Variants in SLC44A5 observed in about 807,000 individuals in gnomAD.
SLC44A5 encodes choline transporter-like protein 5.
A neutral mutation model predicts 101.8 loss-of-function variants in SLC44A5; 57 were observed. The ratio of observed to expected loss-of-function variants is 0.56; its 90% CI spans 0.45 to 0.70. SLC44A5 has a LOEUF of 0.70. Ranked by LOEUF, SLC44A5 falls within the 30% of genes least tolerant of loss-of-function variation. The pLI, the probability that SLC44A5 is intolerant of heterozygous loss-of-function variation, is 0.00. For missense variants in SLC44A5, 737 were observed against 853.1 expected (o/e 0.86, Z 1.70); for synonymous variants, 281 against 290.9 (o/e 0.97, Z 0.35).
At position 75,394,632 on chromosome 1, in the gene SLC44A5, C is replaced by T. The variant is rs369888525; in HGVS notation, c.52+1951G>A. 2.8e-4 allele frequency among the ~76,000 whole-genome samples: 43 copies of T among 152,202 alleles called. No individual in the cohort carries two copies. In the South Asian group the frequency reaches 8.7e-3, roughly 31 times the overall value. ...CACTGGCTTTGGTGGGCCTCAGCTT[C>T]TTTGGAACACAAGGCTGTTGAAGAA... On this transcript the variant is annotated intron_variant, in intron 3 of 23. Transcript: ENST00000370859.
chr1:75,400,824 T>A (rs941835933), intron 2 of SLC44A5, among the ~76,000 whole-genome samples: 5 of 152,214 alleles, frequency 3.3e-5, no homozygotes, highest in Admixed American at 3.3e-4. Context: ...GAGAGAAGGC[T>A]CAGTGCCATG....
intron 6 of SLC44A5, among the ~76,000 whole-genome samples, chr1:75,271,297 T>G (rs1287864939): frequency 2.0e-5 from 3 of 152,110 alleles, no homozygotes; most frequent in Non-Finnish European, 4.4e-5. Context: ...AAAAATTATT[T>G]TTAAAAATGT....
chr1:75,526,200 C>A (rs1048045609), intron 2 of SLC44A5, among the ~76,000 whole-genome samples: 9 of 152,196 alleles, frequency 5.9e-5, no homozygotes, highest in Admixed American at 1.3e-4. Context: ...TCCGTCCCCT[C>A]CACCACAGAC....
chr1:75,653,460 C>T, the SLC44A5 span, among the ~76,000 whole-genome samples: 18 of 152,122 alleles, frequency 1.2e-4, no homozygotes, highest in East Asian at 7.7e-4. Flanking sequence ...CAAGCCTGGG[C>T]GACAGAGAGA....
chr1:75,222,183 C>A (rs573969071), intron 14 of SLC44A5, among the ~76,000 whole-genome samples, 178 bp downstream of exon 14: 1 of 151,820 alleles, frequency 6.6e-6, no homozygotes, highest in South Asian at 2.1e-4. Context: ...CTCGAACTCC[C>A]GACCTCAGGT....
intron 5 of SLC44A5, among the ~76,000 whole-genome samples, chr1:75,290,752 G>GA (rs1354993339): frequency 1.3e-5 from 2 of 152,090 alleles, no homozygotes; most frequent in Non-Finnish European, 2.9e-5. Flanking sequence ...ATTTGGAGGG[G>GA]AAAATGAAAA....
intron 8 of SLC44A5, among the ~76,000 whole-genome samples, 173 bp downstream of exon 8, chr1:75,242,713 T>C (rs1271288820): frequency 6.6e-6 from 1 of 152,146 alleles, no homozygotes; most frequent in Non-Finnish European, 1.5e-5. Flanking sequence ...AATGATGTGC[T>C]ATAACTGGTG....
At chr1:75,279,487 C>A (rs1652210893) in intron 5 of SLC44A5, among the ~76,000 whole-genome samples, 1 of 152,032 alleles carries the variant, frequency 6.6e-6, no homozygotes, top group Non-Finnish European at 1.5e-5. Flanking sequence ...CCAGAACCAC[C>A]CAACCAAGCT....
At chr1:75,258,044 C>T (rs1227151812) in intron 6 of SLC44A5, among the ~76,000 whole-genome samples, 1 of 152,104 alleles carries the variant, frequency 6.6e-6, no homozygotes, top group Non-Finnish European at 1.5e-5. Flanking sequence ...GTCTTCGCAA[C>T]CCGCAGACCA....
the SLC44A5 span, among the ~76,000 whole-genome samples, chr1:75,637,668 T>G: frequency 6.6e-6 from 1 of 152,036 alleles, no homozygotes; most frequent in African/African-American, 2.4e-5. Flanking sequence ...TGATATATAT[T>G]TTATTACATT....
At chr1:75,225,584 T>C (rs1264374181) in intron 13 of SLC44A5, among the ~76,000 whole-genome samples, 3 of 152,160 alleles carry the variant, frequency 2.0e-5, no homozygotes, top group African/African-American at 7.2e-5. Flanking sequence ...GAGATGTGAA[T>C]AGAACCATCT....
At chr1:75,359,612 A>AT (rs1659342063) in intron 3 of SLC44A5, among the ~76,000 whole-genome samples, 1 of 152,078 alleles carries the variant, frequency 6.6e-6, no homozygotes, top group South Asian at 2.1e-4. Flanking sequence ...GCTGTTATGA[A>AT]TACTACTGCA....
intron 3 of SLC44A5, among the ~76,000 whole-genome samples, chr1:75,383,948 G>A (rs536307027): frequency 5.2e-4 from 79 of 151,866 alleles, no homozygotes; most frequent in African/African-American, 1.7e-3. Context: ...TTCATATCCA[G>A]CCAAACTAAG....
intron 6 of SLC44A5, among the ~76,000 whole-genome samples, chr1:75,252,431 C>G (rs1012852031): frequency 1.1e-4 from 17 of 152,176 alleles, no homozygotes; most frequent in Middle Eastern, 3.2e-3. Context: ...CTTCTACCTG[C>G]TTCCTACACC....
chr1:75,223,599 T>G (rs1264889565), intron 13 of SLC44A5, among the ~76,000 whole-genome samples: 1 of 152,196 alleles, frequency 6.6e-6, no homozygotes, highest in Non-Finnish European at 1.5e-5. Flanking sequence ...TGTGAAAGAA[T>G]CCAGTCTATA....
chr1:75,648,245 A>G, the SLC44A5 span, among the ~76,000 whole-genome samples: 1 of 152,090 alleles, frequency 6.6e-6, no homozygotes, highest in Non-Finnish European at 1.5e-5. Flanking sequence ...GAAGAAGGAC[A>G]TGTTTGTTTC....
At chr1:75,547,218 A>C (rs573953754) in intron 1 of SLC44A5, among the ~76,000 whole-genome samples, 1 of 152,314 alleles carries the variant, frequency 6.6e-6, no homozygotes, top group Admixed American at 6.5e-5. Flanking sequence ...ATTATGTCCT[A>C]ATTGAAGAAA....
intron 5 of SLC44A5, among the ~76,000 whole-genome samples, chr1:75,280,388 ATT>A (rs1475301511): frequency 9.3e-6 from 1 of 107,452 alleles, no homozygotes; most frequent in Non-Finnish European, 1.8e-5. Context: ...TAATATATAT[ATT>A]GTATATATTA....
At chr1:75,390,875 A>T (rs1661740761) in intron 3 of SLC44A5, among the ~76,000 whole-genome samples, 1 of 152,142 alleles carries the variant, frequency 6.6e-6, no homozygotes, top group Non-Finnish European at 1.5e-5. Flanking sequence ...AACAAAACGG[A>T]TCTAAATAGG....
Sources: gnomAD v4.1 joint callset for allele counts (sites outside exome capture counted in the v4.1 genomes callset) on GRCh38, gnomAD v4.1.1 for gene constraint, MANE v1.5 for transcripts, NCBI Gene and HGNC (gene_info 2026-07-23, HGNC 2026-07-21) for gene names.